Variants in CAPN13 observed in about 807,000 individuals in gnomAD.
The protein encoded by CAPN13 is calpain-13.
A neutral mutation model predicts 98.4 loss-of-function variants in CAPN13; 90 were observed. The observed-to-expected ratio is 0.92, with a 90% CI of 0.77 to 1.09. CAPN13 has a LOEUF of 1.09. Among genes scored for constraint, CAPN13 ranks in the 50% least tolerant of loss-of-function variants. The pLI is 0.00. For synonymous variants in CAPN13, 330 were observed against 305.5 expected (o/e 1.08, Z -0.84); for missense variants, 887 against 841.3 (o/e 1.05, Z -0.67).
In CAPN13 at chr2:30,728,528, G is replaced by A. The variant is rs2681680; in HGVS notation, c.*30+2202C>T. Among the ~76,000 whole-genome samples, 468 of 151,766 alleles carry A rather than the reference G, an allele frequency of 3.1e-3. 4 individuals are homozygous for A. Among genetic ancestry groups the A allele is most frequent in the African/African-American group, 0.011 (449 of 41,498 alleles). On this transcript the variant is annotated intron_variant, in intron 22 of 22. Transcript: ENST00000295055. ...ACAGTAAGGCCAAAGGCTTCAGGCT[G>A]GGAAAAGCATGGAAAATAGAAGGAA...
intron 1 of CAPN13, 40 bp from the exon 2 acceptor site, chr2:30,787,397 C>CA: frequency 6.9e-7 from 1 of 1,455,110 alleles, no homozygotes; most frequent in Non-Finnish European, 9.2e-7. Context: ...GGTAAGCCAT[C>CA]AAGTCCTTTG....
intron 8 of CAPN13, among the ~76,000 whole-genome samples, chr2:30,756,579 T>C (rs1452997600): frequency 6.6e-6 from 1 of 152,254 alleles, no homozygotes; most frequent in Non-Finnish European, 1.5e-5. Context: ...GTCATTTGCC[T>C]TCCCTCTACT....
Position 30,734,462 on chromosome 2 carries a change from G to A in CAPN13, c.1785C>T (p.Ala595=), listed in dbSNP as rs1298568748. 2.5e-6 allele frequency: 4 copies of A among 1,613,614 alleles called. No individual in the cohort carries two copies. The African/African-American group carries it at 5.3e-5, about 22-fold the overall frequency. Residue 595 remains alanine, a synonymous_variant, in exon 19 of 23, where the codon GCC becomes GCT. Coordinates refer to ENST00000295055, the MANE Select transcript of CAPN13 (RefSeq NM_144575.3). ...GVLLSSDLWK[A]IENTDFLRGI... ...TCCCCATTGTACCTGTATTCTCTAT[G>A]GCCTTCCACAAGTCCGAGCTCAGGA...
intron 1 of CAPN13, among the ~76,000 whole-genome samples, chr2:30,795,883 T>A (rs944595402): frequency 3.3e-4 from 50 of 152,130 alleles, no homozygotes; most frequent in Middle Eastern, 3.4e-3. Flanking sequence ...AGAAAATTTG[T>A]AATTAACACA....
At chr2:30,742,303 G>T in intron 14 of CAPN13, 23 bp downstream of exon 14, 28 of 1,597,274 alleles carry the variant, frequency 1.8e-5, no homozygotes, top group Non-Finnish European at 2.4e-5. Flanking sequence ...AGGCTCGCCA[G>T]CCAAACCTTG....
chr2:30,763,648 T>C (rs771813637), intron 6 of CAPN13, among the ~76,000 whole-genome samples: 38 of 152,186 alleles, frequency 2.5e-4, no homozygotes, highest in Non-Finnish European at 4.7e-4. Context: ...CTCAAATAAT[T>C]TGGAGGGTCA....
chr2:30,764,163 C>G lies in CAPN13; in HGVS notation c.668G>C (p.Gly223Ala). ...VKAVKTATKA[G>A]SLITCATPSG... is the part of the protein sequence containing the mutation. Reference sequence around the variant, plus strand: ...TGGAGTGGCACAGGTTATCAGGGAGCCTGCCTTGGTCGCTGTCTTCACTGC... The same window carrying G: ...TGGAGTGGCACAGGTTATCAGGGAGGCTGCCTTGGTCGCTGTCTTCACTGC... The change falls in exon 6 of 23, where the codon GGC (glycine) becomes GCC (alanine). Residue 223 changes from glycine to alanine, a missense_variant. Coordinates refer to ENST00000295055, the MANE Select transcript of CAPN13 (RefSeq NM_144575.3). The G allele has an allele frequency of 1.3e-6, 2 of 1,587,958 alleles. No individual in the cohort carries two copies. Among genetic ancestry groups the G allele is most frequent in the South Asian group, 1.2e-5 (1 of 86,930 alleles).
intron 7 of CAPN13, among the ~76,000 whole-genome samples, chr2:30,759,595 G>A (rs1672724876): frequency 6.6e-6 from 1 of 152,212 alleles, no homozygotes; most frequent in Non-Finnish European, 1.5e-5. Context: ...ATCGCTGTGT[G>A]GAAGACAAGC....
chr2:30,747,472 A>G (rs2147980953), intron 11 of CAPN13, among the ~76,000 whole-genome samples: 1 of 152,338 alleles, frequency 6.6e-6, no homozygotes, highest in Non-Finnish European at 1.5e-5. Context: ...GCTGGGAGGA[A>G]GGTGGAAAGT....
At chr2:30,805,438 A>G (rs1675553969) in intron 1 of CAPN13, among the ~76,000 whole-genome samples, 1 of 152,146 alleles carries the variant, frequency 6.6e-6, no homozygotes, top group African/African-American at 2.4e-5. Flanking sequence ...AGTGCTAAGT[A>G]GCACTTAAGC....
At chr2:30,745,672 C>T (rs373614919) in intron 12 of CAPN13, 51 bp downstream of exon 12, 1 of 1,590,758 alleles carries the variant, frequency 6.3e-7, no homozygotes, top group Non-Finnish European at 8.5e-7. Flanking sequence ...CCTAACACTC[C>T]ACCAGCAGAC....
At chr2:30,726,353 T>G (rs1670857157) in intron 22 of CAPN13, among the ~76,000 whole-genome samples, 1 of 152,238 alleles carries the variant, frequency 6.6e-6, no homozygotes, top group African/African-American at 2.4e-5. Context: ...CTTTGTACAC[T>G]TCTATTCGGC....
At chr2:30,783,334 C>T (rs1450081455) in intron 2 of CAPN13, among the ~76,000 whole-genome samples, 1 of 152,140 alleles carries the variant, frequency 6.6e-6, no homozygotes, top group African/African-American at 2.4e-5. Flanking sequence ...GTCGGGTCCT[C>T]TCAGTGCCAT....
At chr2:30,723,698 T>G (rs532683241) in intron 22 of CAPN13, among the ~76,000 whole-genome samples, 66 of 152,326 alleles carry the variant, frequency 4.3e-4, no homozygotes, top group African/African-American at 1.4e-3. Flanking sequence ...TTTTCTCAAG[T>G]GCAGGGGGCT....
intron 17 of CAPN13, chr2:30,737,829 A>G (rs978948908): frequency 4.7e-6 from 1 of 213,156 alleles, no homozygotes; most frequent in Non-Finnish European, 9.7e-6. Flanking sequence ...GAAAGCTCCA[A>G]CTTCAAATCT....
chr2:30,756,919 T>G (rs1261875784), intron 8 of CAPN13, among the ~76,000 whole-genome samples: 1 of 152,172 alleles, frequency 6.6e-6, no homozygotes, highest in Non-Finnish European at 1.5e-5. Flanking sequence ...AATCATACTT[T>G]CATCCCACAC....
chr2:30,751,000 C>T, intron 11 of CAPN13, 103 bp downstream of exon 11: 2 of 1,311,568 alleles, frequency 1.5e-6, no homozygotes, highest in Non-Finnish European at 1.1e-6. Flanking sequence ...ATCTCCAAGG[C>T]TGTGGTGCAG....
At position 30,738,410 on chromosome 2, in the gene CAPN13, C is replaced by T. The variant is rs1671487119; in HGVS notation, c.1584G>A (p.Glu528=). 6.2e-7 allele frequency: 1 copy of T among 1,608,662 alleles called. No homozygotes were observed. ...ATQLQGLLNQ[E]LLTGPPGDMF... ...TTGGGCTGCTCATACCTGTTAGAAGCTCCTGGTTGAGAAGGCCCTGAAGCT... is the reference window on the plus strand; with the variant it reads ...TTGGGCTGCTCATACCTGTTAGAAGTTCCTGGTTGAGAAGGCCCTGAAGCT... The change falls in exon 16 of 23, where the codon GAG becomes GAA. Residue 528 remains glutamate, a synonymous_variant. Transcript: ENST00000295055.
chr2:30,754,078 A>G (rs79547830), intron 9 of CAPN13, among the ~76,000 whole-genome samples: 5,063 of 152,274 alleles, frequency 0.033, 255 homozygotes, highest in African/African-American at 0.11. Context: ...AAAGTTCAGC[A>G]TTTCATAACT....
Sources: gnomAD v4.1 joint callset for allele counts (sites outside exome capture counted in the v4.1 genomes callset) on GRCh38, gnomAD v4.1.1 for gene constraint, MANE v1.5 for transcripts, NCBI Gene and HGNC (gene_info 2026-07-23, HGNC 2026-07-21) for gene names.